The following FAXC variants were observed in gnomAD, a reference collection of about 807,000 sequenced individuals.
FAXC encodes failed axon connections homolog.
Under a neutral mutation model 41.9 loss-of-function variants are expected in FAXC, and 10 were observed. The ratio of observed to expected loss-of-function variants is 0.24; its 90% confidence interval spans 0.15 to 0.41. FAXC has a LOEUF of 0.41. Ranked by LOEUF, FAXC falls within the 10% of genes least tolerant of loss-of-function variation. The pLI is 1.00. For missense variants in FAXC, 399 were observed against 510.9 expected (o/e 0.78, Z 2.11); for synonymous variants, 183 against 183.8 (o/e 1.00, Z 0.03).
intron 5 of FAXC, among the ~76,000 whole-genome samples, chr6:99,290,832 G>A (rs981413085): frequency 1.3e-5 from 2 of 148,636 alleles, no homozygotes; most frequent in African/African-American, 5.0e-5. Context: ...TTTAATTTAA[G>A]ACGGAGTCTT....
intron 1 of FAXC, among the ~76,000 whole-genome samples, chr6:99,345,634 A>C (rs13217453): frequency 0.15 from 22,471 of 152,252 alleles, 1,738 homozygotes; most frequent in Non-Finnish European, 0.17. Flanking sequence ...CCCGGGGCTA[A>C]CGATACCACA....
intron 4 of FAXC, among the ~76,000 whole-genome samples, chr6:99,315,245 A>C (rs1241351489): frequency 7.7e-6 from 1 of 129,762 alleles, no homozygotes; most frequent in Non-Finnish European, 1.6e-5. Context: ...AAAAAAAAAA[A>C]AAAAAAAAAA....
intron 3 of FAXC, among the ~76,000 whole-genome samples, chr6:99,325,077 G>C (rs1772743165): frequency 6.8e-6 from 1 of 147,914 alleles, no homozygotes; most frequent in Admixed American, 6.9e-5. Context: ...AAGTGTCAGA[G>C]CCAGAATGCT....
Position 99,278,954 on chromosome 6 carries a change from A to G in FAXC, c.*2210T>C, listed in dbSNP as rs1294538932. On this transcript the variant is annotated 3_prime_UTR_variant, in exon 6 of 6. Transcript: ENST00000389677. ...ACATCACACTTGGTACTGTACAGTA[A>G]GATAGATTGTTCATAGAAAAAAATT... 6.6e-6 allele frequency: 1 copy of G among 152,240 alleles called. No homozygotes were observed. The highest frequency in any genetic ancestry group is 2.4e-5 in the African/African-American group (1 of 41,464). The allele number at this position is 152,240 out of a possible 1,614,324, so 9.4% of individuals were successfully genotyped here.
intron 4 of FAXC, among the ~76,000 whole-genome samples, chr6:99,306,808 G>A (rs746926969): frequency 6.6e-6 from 1 of 152,142 alleles, no homozygotes; most frequent in Non-Finnish European, 1.5e-5. Context: ...TAGGATCGTT[G>A]TGAGCATGAA....
intron 5 of FAXC, among the ~76,000 whole-genome samples, chr6:99,286,309 A>G (rs1496980): frequency 0.16 from 24,563 of 152,158 alleles, 2,363 homozygotes; most frequent in East Asian, 0.48. Flanking sequence ...AGATCTCCAA[A>G]TACAAAAACA....
Position 99,290,101 on chromosome 6 carries a change from C to CCACACACACACACACA in FAXC, c.940+1587_940+1602dup, listed in dbSNP as rs34319104. On this transcript the variant is annotated intron_variant, in intron 5 of 5. Coordinates refer to ENST00000389677, the MANE Select transcript of FAXC (RefSeq NM_032511.4). ...CTGTATATCCCACCACCCTACCCCA[C>CCACACACACACACACA]CACACACACACACACACACACACAC... Among the ~76,000 whole-genome samples, 152 of 142,574 alleles carry CCACACACACACACACA rather than the reference C, an allele frequency of 1.1e-3. 4 individuals carry two copies. Among genetic ancestry groups the CCACACACACACACACA allele is most frequent in the African/African-American group, 3.8e-3 (142 of 37,646 alleles). The allele number at this position is 142,574 out of a possible 152,430, so 93.5% of individuals were successfully genotyped here. A position where few individuals can be genotyped will look rare whatever the true frequency, so the allele number is the denominator to read the frequency against.
intron 2 of FAXC, among the ~76,000 whole-genome samples, chr6:99,339,075 C>T (rs1773322685): frequency 6.6e-6 from 1 of 152,232 alleles, no homozygotes; most frequent in East Asian, 1.9e-4. Flanking sequence ...CCCCCTTCCC[C>T]TCTTCTCTAC....
At chr6:99,342,356 T>C (rs950671658) in intron 2 of FAXC, among the ~76,000 whole-genome samples, 5 of 152,064 alleles carry the variant, frequency 3.3e-5, no homozygotes, top group Non-Finnish European at 7.4e-5. Flanking sequence ...CTTTTTTTTT[T>C]TTTTTTGAGA....
chr6:99,311,609 A>C (rs1439210805), intron 4 of FAXC, among the ~76,000 whole-genome samples: 1 of 152,128 alleles, frequency 6.6e-6, no homozygotes, highest in East Asian at 1.9e-4. Context: ...ATACATACAT[A>C]AATAAAATCA....
rs919424278 is a variant in FAXC at position 99,309,210 on chromosome 6, GT to G, written c.823+14233del. 9.3e-3 allele frequency among the ~76,000 whole-genome samples: 1,380 copies of G among 149,126 alleles called. 18 individuals are homozygous for G. Among genetic ancestry groups the G allele is most frequent in the African/African-American group, 0.029 (1,193 of 40,672 alleles). The stretch of plus-strand genomic sequence containing the variant: ...GTCTACATGATGCTATCTTGTAAGG[GT>G]TTTTTTTTTCTTTTATTGTAATCAT... On this transcript the variant is annotated intron_variant, in intron 4 of 5. Transcript: ENST00000389677.
intron 2 of FAXC, chr6:99,334,575 TA>T: frequency 1.0e-6 from 1 of 965,368 alleles, no homozygotes; most frequent in Non-Finnish European, 1.2e-6. Context: ...AACATTCTTG[TA>T]ATCTGTATAC....
At chr6:99,295,297 T>C (rs1366392079) in intron 4 of FAXC, among the ~76,000 whole-genome samples, 1 of 152,264 alleles carries the variant, frequency 6.6e-6, no homozygotes, top group Non-Finnish European at 1.5e-5. Context: ...TAATACCTGA[T>C]GGCAGAAAGC....
In FAXC at chr6:99,345,073, C is replaced by T. The variant is rs536834281; in HGVS notation, c.267-2040G>A. Among the ~76,000 whole-genome samples the T allele has an allele frequency of 9.9e-5, 15 of 152,220 alleles. No individual in the cohort carries two copies. In the South Asian group the frequency reaches 2.9e-3, roughly 29 times the overall value. On this transcript the variant is annotated intron_variant, in intron 1 of 5. Transcript: ENST00000389677. ...AGATAAGAAAATTGAAGCTCAAAGACGTTAAATAACTTGCCTAAGGAACAT... is the reference window on the plus strand; with the variant it reads ...AGATAAGAAAATTGAAGCTCAAAGATGTTAAATAACTTGCCTAAGGAACAT...
chr6:99,334,453 G>A (rs1442172611), intron 2 of FAXC, among the ~76,000 whole-genome samples: 1 of 152,144 alleles, frequency 6.6e-6, no homozygotes. Context: ...CCTTTGGCCA[G>A]GCACTGTTGT....
chr6:99,335,056 C>T (rs1241396887), intron 2 of FAXC, among the ~76,000 whole-genome samples: 3 of 152,186 alleles, frequency 2.0e-5, no homozygotes, highest in Non-Finnish European at 4.4e-5. Context: ...CACCTTGTTA[C>T]ATAATTATTT....
chr6:99,349,417 C>A lies in FAXC; in HGVS notation c.-45G>T. On this transcript the variant is annotated 5_prime_UTR_variant, in exon 1 of 6. Transcript: ENST00000389677. ...GCGCCCCTCCCAGGGCCCGCGCCGC[C>A]CGCATGGGAAGGGGCCGGCGCGGCC... 1.3e-6 allele frequency: 2 copies of A among 1,498,032 alleles called. No homozygotes were observed. The highest frequency in any genetic ancestry group is 1.8e-6 in the Non-Finnish European group (2 of 1,128,202). 92.8% of individuals were successfully genotyped at this position (1,498,032 alleles called of 1,614,324 possible).
intron 3 of FAXC, among the ~76,000 whole-genome samples, chr6:99,328,460 A>G (rs1161358292): frequency 6.6e-6 from 1 of 152,222 alleles, no homozygotes; most frequent in Non-Finnish European, 1.5e-5. Context: ...TGCTTTGATC[A>G]TGGACTCGCC....
At chr6:99,323,881 A>G (rs1235924037) in intron 3 of FAXC, among the ~76,000 whole-genome samples, 1 of 152,230 alleles carries the variant, frequency 6.6e-6, no homozygotes, top group East Asian at 1.9e-4. Context: ...AAAAATCCAG[A>G]TAAAGATGCC....
Sources: allele counts gnomAD v4.1 joint callset (sites outside exome capture counted in the v4.1 genomes callset), GRCh38; gene constraint gnomAD v4.1.1; transcripts MANE v1.5; gene names NCBI Gene and HGNC (gene_info 2026-07-23, HGNC 2026-07-21).